RABEP1: variants seen among roughly 807,000 people sequenced by gnomAD.
RABEP1 encodes rabaptin, RAB GTPase binding effector protein 1.
RABEP1 carries 51 observed loss-of-function variants against 123.4 expected under a neutral mutation model. That is an observed-to-expected ratio of 0.41 (90% CI 0.33 to 0.52). The LOEUF (loss-of-function observed/expected upper bound fraction) is 0.52. Ranked by LOEUF, RABEP1 falls within the 20% of genes least tolerant of loss-of-function variation. RABEP1 has a pLI of 0.16. For synonymous variants in RABEP1, 347 were observed against 355.2 expected, an observed-to-expected ratio of 0.98 and a Z score of 0.26; for missense variants, 888 against 996.3, an observed-to-expected ratio of 0.89 and a Z score of 1.46.
At chr17:5,334,160 A>G (rs748346575) in intron 3 of RABEP1, among the ~76,000 whole-genome samples, 1 of 151,652 alleles carries the variant, frequency 6.6e-6, no homozygotes, top group Non-Finnish European at 1.5e-5. Context: ...CTGCCTTCCA[A>G]GTAGCTGGGA....
chr17:5,384,024 G>A lies in RABEP1; in HGVS notation c.*801G>A, dbSNP rs181506116. 20 of 218,672 alleles carry A rather than the reference G, an allele frequency of 9.1e-5. No homozygotes were observed. The East Asian group carries it at 1.4e-3, about 15-fold the overall frequency. 13.5% of individuals were successfully genotyped at this position (218,672 alleles called of 1,614,324 possible). On this transcript the variant is annotated 3_prime_UTR_variant, in exon 18 of 18. Transcript: ENST00000537505. ...CTGGTACCATCTACTCTTTTGAAGT[G>A]TTTTAGTCTAGTTATTGGATCAGTG...
At chr17:5,376,513 TAAAAG>T (rs1911006556) in intron 13 of RABEP1, among the ~76,000 whole-genome samples, 1 of 152,178 alleles carries the variant, frequency 6.6e-6, no homozygotes, top group Non-Finnish European at 1.5e-5. Context: ...GAAGGATTTC[TAAAAG>T]AAGACAGAAC....
intron 9 of RABEP1, chr17:5,361,945 C>T (rs757851587): frequency 2.9e-5 from 11 of 382,052 alleles, no homozygotes; most frequent in Non-Finnish European, 5.2e-5. Context: ...GAGCAATCTG[C>T]CTGACTAGCA....
intron 5 of RABEP1, among the ~76,000 whole-genome samples, chr17:5,340,483 A>G (rs1907494364): frequency 6.6e-6 from 1 of 152,194 alleles, no homozygotes; most frequent in African/African-American, 2.4e-5. Flanking sequence ...TAGATACATT[A>G]TCTTAGAATT....
rs1555624084 is a variant in RABEP1 at position 5,316,474 on chromosome 17, AAG to A, written c.163+7654_163+7655del. Among the ~76,000 whole-genome samples, 276 of 148,002 alleles carry A rather than the reference AAG, an allele frequency of 1.9e-3. 3 individuals are homozygous for A. The highest frequency in any genetic ancestry group is 8.2e-3 in the South Asian group (37 of 4,510). On this transcript the variant is annotated intron_variant, in intron 2 of 17. Transcript: ENST00000537505. ...CAAAAAAAAAAAAAAAAAAAAAAAA[AAG>A]AACTGCTGGTAGAGTGATAGACATT...
intron 2 of RABEP1, among the ~76,000 whole-genome samples, chr17:5,326,145 T>C (rs953087489): frequency 1.3e-5 from 2 of 152,238 alleles, no homozygotes; most frequent in Admixed American, 1.3e-4. Flanking sequence ...TGCTCCTTGG[T>C]ATGCAATTAA....
rs867049665 is a variant in RABEP1, at chr17:5,299,736, T to C, written c.35-8958T>C. 1.4e-3 allele frequency among the ~76,000 whole-genome samples: 174 copies of C among 124,828 alleles called. 8 individuals are homozygous for C. The highest frequency in any genetic ancestry group is 4.6e-3 in the African/African-American group (143 of 31,326). 81.9% of individuals were successfully genotyped at this position (124,828 alleles called of 152,430 possible). ...TTTCTTTTCTTTTTCTTTTTCTTTT[T>C]TTTTTTTTTTTGGAGGCAGAGTCTC... On this transcript the variant is annotated intron_variant, in intron 1 of 17. Coordinates refer to ENST00000537505, the MANE Select transcript of RABEP1 (RefSeq NM_004703.6).
intron 5 of RABEP1, among the ~76,000 whole-genome samples, chr17:5,342,476 A>G (rs1236753764): frequency 6.6e-6 from 1 of 152,126 alleles, no homozygotes; most frequent in Non-Finnish European, 1.5e-5. Flanking sequence ...AGTCTCTACT[A>G]AAAGTACAAA....
intron 1 of RABEP1, among the ~76,000 whole-genome samples, chr17:5,283,733 G>A (rs1012963406): frequency 6.6e-6 from 1 of 152,122 alleles, no homozygotes; most frequent in Non-Finnish European, 1.5e-5. Flanking sequence ...TTGAAACCAT[G>A]TTATCAGATT....
intron 2 of RABEP1, among the ~76,000 whole-genome samples, chr17:5,314,562 A>G (rs896471094): frequency 5.6e-5 from 8 of 143,900 alleles, no homozygotes; most frequent in African/African-American, 2.1e-4. Flanking sequence ...TCTGTCACCC[A>G]GGCTGGAGTG....
intron 5 of RABEP1, among the ~76,000 whole-genome samples, chr17:5,342,765 G>A (rs1270685651): frequency 2.0e-5 from 3 of 152,200 alleles, no homozygotes; most frequent in African/African-American, 7.2e-5. Flanking sequence ...AAATTTTGAA[G>A]ACAAGATGAG....
At chr17:5,309,408 G>A (rs2075213264) in intron 2 of RABEP1, among the ~76,000 whole-genome samples, 1 of 152,106 alleles carries the variant, frequency 6.6e-6, no homozygotes, top group South Asian at 2.1e-4. Flanking sequence ...CCAGCACTTT[G>A]GGAGGCCAAC....
intron 1 of RABEP1, among the ~76,000 whole-genome samples, chr17:5,285,476 C>T (rs75090252): frequency 0.021 from 3,147 of 152,052 alleles, 106 homozygotes; most frequent in African/African-American, 0.072. Flanking sequence ...AGGCTGGATT[C>T]CTGATTGTTT....
At chr17:5,378,376 G>C in intron 15 of RABEP1, 144 bp downstream of exon 15, 2 of 760,342 alleles carry the variant, frequency 2.6e-6, no homozygotes, top group Middle Eastern at 2.3e-4. Context: ...AAAACCACGG[G>C]GTAAGGGTGT....
intron 5 of RABEP1, among the ~76,000 whole-genome samples, chr17:5,343,058 G>A (rs1468445167): frequency 2.0e-5 from 3 of 151,740 alleles, no homozygotes; most frequent in Admixed American, 1.3e-4. Context: ...TCAGGAGTTC[G>A]GGACCAGCCT....
intron 12 of RABEP1, among the ~76,000 whole-genome samples, chr17:5,370,644 T>C (rs993626300): frequency 6.6e-5 from 10 of 152,332 alleles, no homozygotes; most frequent in African/African-American, 2.4e-4. Context: ...TTAGACATCT[T>C]GGCAAGAATA....
At chr17:5,344,362 C>T (rs1172755773) in intron 5 of RABEP1, among the ~76,000 whole-genome samples, 5 of 151,836 alleles carry the variant, frequency 3.3e-5, no homozygotes, top group African/African-American at 7.3e-5. Context: ...TACTTGAACC[C>T]GGGAGATGGA....
rs753073370 is a variant in RABEP1, at chr17:5,334,602, G to A, written c.368-582G>A. Among the ~76,000 whole-genome samples the A allele has an allele frequency of 1.8e-4, 28 of 152,294 alleles. 1 individual carries two copies. Among genetic ancestry groups the A allele is most frequent in the Non-Finnish European group, 1.8e-4 (12 of 68,012 alleles). On this transcript the variant is annotated intron_variant, in intron 3 of 17. Coordinates refer to ENST00000537505, the MANE Select transcript of RABEP1 (RefSeq NM_004703.6). ...GCTTGTCTTGAAATCCTGGCTTCAA[G>A]TGATCTGCCCGTCTGCCTCCCACAG...
intron 15 of RABEP1, chr17:5,378,554 C>T (rs1373832607): frequency 2.8e-6 from 1 of 354,784 alleles, no homozygotes; most frequent in African/African-American, 2.2e-5. Flanking sequence ...GTATAAAAAA[C>T]ATTACAAACA....
Sources: gnomAD v4.1 joint callset for allele counts (sites outside exome capture counted in the v4.1 genomes callset) on GRCh38, gnomAD v4.1.1 for gene constraint, MANE v1.5 for transcripts, NCBI Gene and HGNC (gene_info 2026-07-23, HGNC 2026-07-21) for gene names.